The following SP110 variants were observed in gnomAD, a reference collection of about 807,000 sequenced individuals.
The protein encoded by SP110 is interferon-induced protein 41, 30kD.
Under a neutral mutation model 92.7 loss-of-function variants are expected in SP110, and 62 were observed. The observed-to-expected ratio is 0.67, with a 90% CI of 0.55 to 0.83. SP110 has a LOEUF of 0.83. Ranked by LOEUF, SP110 falls within the 40% of genes least tolerant of loss-of-function variation. The probability of loss-of-function intolerance (pLI) is 0.00; values close to 1 mark genes in which losing one functional copy is unlikely to be tolerated. For synonymous variants in SP110, 273 were observed against 305.3 expected (o/e 0.89, Z 1.10); for missense variants, 793 against 863.9 (o/e 0.92, Z 1.03).
In SP110 at chr2:230,211,537, C is replaced by A. The variant is rs556499073; in HGVS notation, c.684G>T (p.Leu228=). The A allele has an allele frequency of 1.2e-6, 2 of 1,608,576 alleles. No individual in the cohort carries two copies. The highest frequency in any genetic ancestry group is 2.7e-5 in the African/African-American group (2 of 74,904). ...TSTVQVASDN[L]IPQIRDKEDP... ...CTTCTTTATCTCTTATTTGGGGGAT[C>A]AGGTTGTCACTGGCCACTGAATGGA... Residue 228 remains leucine, a synonymous_variant, in exon 6 of 19, where the codon CTG becomes CTT. Coordinates refer to ENST00000258381, the MANE Select transcript of SP110 (RefSeq NM_080424.4). This position sits in a 1 kb window ranked among gnomAD's most constrained non-coding sequence, Gnocchi z 4.2.
At chr2:230,195,835 T>C (rs1008792918) in intron 10 of SP110, among the ~76,000 whole-genome samples, 2 of 152,026 alleles carry the variant, frequency 1.3e-5, no homozygotes, top group African/African-American at 4.8e-5. Flanking sequence ...CCCGACACTA[T>C]TAAAGCAAAA....
chr2:230,171,635 G>C, intron 17 of SP110, 61 bp downstream of exon 17: 1 of 1,294,950 alleles, frequency 7.7e-7, no homozygotes, highest in Non-Finnish European at 1.1e-6. Flanking sequence ...GCACCTGCCA[G>C]ATCAGCCCCC....
At chr2:230,191,120 C>A (rs1027670256) in intron 10 of SP110, among the ~76,000 whole-genome samples, 11 of 151,990 alleles carry the variant, frequency 7.2e-5, no homozygotes, top group Non-Finnish European at 1.6e-4. Flanking sequence ...ATACCAGAAT[C>A]TCTGGGACAC....
chr2:230,166,484 G>C lies in SP110; in HGVS notation c.*2640C>G, dbSNP rs12328528. Among the ~76,000 whole-genome samples the C allele has an allele frequency of 0.75, 114,106 of 152,088 alleles. 43,283 individuals are homozygous for C. Among genetic ancestry groups the C allele is most frequent in the Middle Eastern group, 0.81 (238 of 294 alleles). On this transcript the variant is annotated 3_prime_UTR_variant, in exon 19 of 19. Transcript: ENST00000258381. ...TATGACAGTGTGTAAAAACTATAGAGCAATCTCATTTATAAATACAAATGT... is the reference window on the plus strand; with the variant it reads ...TATGACAGTGTGTAAAAACTATAGACCAATCTCATTTATAAATACAAATGT...
chr2:230,168,926 T>TTTTG lies in SP110; in HGVS notation c.*197_*198insCAAA, dbSNP rs2078357212. Reference sequence around the variant, plus strand: ...TATTAAGGAAGTATTAATTTTTTTTTTTTTTAGTGTAGATATAGACTTTTA... The same window carrying TTTTG: ...TATTAAGGAAGTATTAATTTTTTTTTTTTGTTTTTAGTGTAGATATAGACTTTTA... On this transcript the variant is annotated 3_prime_UTR_variant, in exon 19 of 19. Transcript: ENST00000258381. 1.9e-6 allele frequency: 1 copy of TTTTG among 526,108 alleles called. No homozygotes were observed. Among genetic ancestry groups the TTTTG allele is most frequent in the Non-Finnish European group, 3.4e-6 (1 of 291,492 alleles). 32.6% of individuals were successfully genotyped at this position (526,108 alleles called of 1,614,324 possible). A position where few individuals can be genotyped will look rare whatever the true frequency, so the allele number is the denominator to read the frequency against.
intron 10 of SP110, among the ~76,000 whole-genome samples, chr2:230,199,222 T>C (rs2043021797): frequency 7.0e-6 from 1 of 143,388 alleles, no homozygotes; most frequent in Non-Finnish European, 1.5e-5. Flanking sequence ...TTTTTTTTTT[T>C]TTTTGAGACA....
chr2:230,221,827 A>C, upstream of SP110: 2 of 1,120,052 alleles, frequency 1.8e-6, no homozygotes, highest in Non-Finnish European at 2.6e-6. Flanking sequence ...AAACAAACAA[A>C]AGTAAAGCAG....
intron 10 of SP110, among the ~76,000 whole-genome samples, chr2:230,193,375 G>A (rs1393523880): frequency 2.0e-5 from 3 of 152,084 alleles, no homozygotes; most frequent in Non-Finnish European, 2.9e-5. Flanking sequence ...CAAGATGTGA[G>A]GTACTGTTTC....
chr2:230,212,565 G>T, intron 4 of SP110, 135 bp from the exon 5 acceptor site: 2 of 1,034,688 alleles, frequency 1.9e-6, no homozygotes, highest in Non-Finnish European at 3.1e-6. Flanking sequence ...GGAGTGGGAA[G>T]CAGGTGTTCT....
chr2:230,208,002 C>A lies in SP110; in HGVS notation c.887G>T (p.Ser296Ile), dbSNP rs1559171302. 2 of 1,551,030 alleles carry A rather than the reference C, an allele frequency of 1.3e-6. No homozygotes were observed. The highest frequency in any genetic ancestry group is 1.8e-6 in the Non-Finnish European group (2 of 1,125,776). The change falls in exon 8 of 19, where the codon AGC becomes ATC. Residue 296 changes from serine (S) to isoleucine (I), a missense_variant. Ser to Ile is a moderately radical substitution (Grantham distance 142). Coordinates refer to ENST00000258381, the MANE Select transcript of SP110 (RefSeq NM_080424.4). ...TACTCTCATCTTACCTCCTGGGAGG[C>A]TTTTTTTCTTATGTCTCCTTTTTGG... ...STPKRRHKKK[S>I]LPGGTASSRH...
At position 230,178,811 on chromosome 2, in the gene SP110, G is replaced by A. The variant is rs139432792; in HGVS notation, c.1349-556C>T. The stretch of plus-strand genomic sequence containing the variant: ...AGAGCTTTGAACTAATTTCCCAGTT[G>A]CTCATGGAGCAGTCTGGCAACTCAG... On this transcript the variant is annotated intron_variant, in intron 12 of 18. Coordinates refer to ENST00000258381, the MANE Select transcript of SP110 (RefSeq NM_080424.4). Among the ~76,000 whole-genome samples, 236 of 152,306 alleles carry A rather than the reference G, an allele frequency of 1.5e-3. 1 individual carries two copies. The highest frequency in any genetic ancestry group is 5.1e-3 in the African/African-American group (210 of 41,558).
intron 10 of SP110, among the ~76,000 whole-genome samples, chr2:230,189,318 G>A (rs371698016): frequency 3.3e-5 from 5 of 151,900 alleles, no homozygotes; most frequent in African/African-American, 1.2e-4. Context: ...GGCATTTAGC[G>A]CTATGAACTT....
rs943542557 is a variant in SP110 at position 230,216,814 on chromosome 2, T to C, written c.114A>G (p.Leu38=). 6.2e-7 allele frequency: 1 copy of C among 1,613,936 alleles called. No homozygotes were observed. The highest frequency in any genetic ancestry group is 8.5e-7 in the Non-Finnish European group (1 of 1,179,966). Residue 38 remains leucine (L), a synonymous_variant, in exon 2 of 19, where the codon CTA becomes CTG. Coordinates refer to ENST00000258381, the MANE Select transcript of SP110 (RefSeq NM_080424.4). ...TTCTCTTAGTGATGATGGAGTTGTC[T>C]AGGAGGCCTTCAAAGAAGGGAAATG... is the stretch of plus-strand genomic sequence containing the variant. ...HKPFPFFEGL[L]DNSIITKRMY...
In SP110 at chr2:230,181,749, G is replaced by C. The variant is rs530804426; in HGVS notation, c.1348+1823C>G. Among the ~76,000 whole-genome samples the C allele has an allele frequency of 2.0e-5, 3 of 152,332 alleles. No individual in the cohort carries two copies. In the South Asian group the frequency reaches 6.2e-4, roughly 32 times the overall value. On this transcript the variant is annotated intron_variant, in intron 12 of 18. Transcript: ENST00000258381. ...GAGAGCTGCAAATCAAAACCACAAT[G>C]AGATACCATCTCATGCCAGTCAGAA...
chr2:230,183,474 A>G (rs1429422972), intron 12 of SP110, 98 bp downstream of exon 12: 2 of 839,866 alleles, frequency 2.4e-6, no homozygotes, highest in African/African-American at 3.3e-5. Flanking sequence ...ACTTTGGAGG[A>G]GAAGGGAGAG....
At position 230,165,891 on chromosome 2, in the gene SP110, A is replaced by T. The variant is rs2078303285; in HGVS notation, c.*3233T>A. ...ATATGACAGAAATAAGACCACCTAT[A>T]TAACTTTTTTTTTTTTTTTTGAAAC... On this transcript the variant is annotated 3_prime_UTR_variant, in exon 19 of 19. Coordinates refer to ENST00000258381, the MANE Select transcript of SP110 (RefSeq NM_080424.4). 8.2e-6 allele frequency among the ~76,000 whole-genome samples: 1 copy of T among 122,238 alleles called. No individual in the cohort carries two copies. 80.2% of individuals were successfully genotyped at this position (122,238 alleles called of 152,430 possible).
chr2:230,194,082 A>G (rs1191772987), intron 10 of SP110, among the ~76,000 whole-genome samples: 1 of 152,132 alleles, frequency 6.6e-6, no homozygotes, highest in African/African-American at 2.4e-5. Context: ...GCAAGCAGGC[A>G]GATATGACTT....
chr2:230,195,802 A>G (rs1008448457), intron 10 of SP110, among the ~76,000 whole-genome samples: 4 of 152,184 alleles, frequency 2.6e-5, no homozygotes, highest in Non-Finnish European at 5.9e-5. Flanking sequence ...ACTGAAAAAA[A>G]CTGTTCACAG....
chr2:230,183,558 G>C lies in SP110; in HGVS notation c.1348+14C>G, dbSNP rs765229723. ...GGGAGCCCAGTGGGGAGGCGCTGTG[G>C]CTTGCTTGCTTACCTCTTCGGTGAA... On this transcript the variant is annotated intron_variant, in intron 12 of 18. Coordinates refer to ENST00000258381, the MANE Select transcript of SP110 (RefSeq NM_080424.4). 1 of 1,593,602 alleles carries C rather than the reference G, an allele frequency of 6.3e-7. No individual in the cohort carries two copies. Among genetic ancestry groups the C allele is most frequent in the East Asian group, 2.2e-5 (1 of 44,778 alleles).
Sources: gnomAD v4.1 joint callset for allele counts (sites outside exome capture counted in the v4.1 genomes callset) on GRCh38, gnomAD v4.1.1 for gene constraint, Gnocchi (gnomAD v3.1) non-coding constraint, MANE v1.5 for transcripts, NCBI Gene and HGNC (gene_info 2026-07-23, HGNC 2026-07-21) for gene names.